Variants in SBF2 observed in about 807,000 individuals in gnomAD.
The protein encoded by SBF2 is SET binding factor 2, also known as myotubularin-related protein 13.
A neutral mutation model predicts 225.2 loss-of-function variants in SBF2; 112 were observed. The observed-to-expected ratio is 0.50, with a 90% CI of 0.43 to 0.58. The LOEUF (loss-of-function observed/expected upper bound fraction) is 0.58. SBF2 is among the 20% of genes least tolerant of loss of function. The probability of loss-of-function intolerance (pLI) is 0.00; values close to 1 mark genes in which losing one functional copy is unlikely to be tolerated. For missense variants in SBF2, 1,996 were observed against 2,206.2 expected, an observed-to-expected ratio of 0.90 and a Z score of 1.91; for synonymous variants, 763 against 773.3, an observed-to-expected ratio of 0.99 and a Z score of 0.22.
At chr11:10,087,212 T>G (rs1951602630) in intron 2 of SBF2, among the ~76,000 whole-genome samples, 2 of 152,190 alleles carry the variant, frequency 1.3e-5, no homozygotes, top group Non-Finnish European at 2.9e-5. Context: ...CTAATTTTGA[T>G]GTGTATTTTT....
chr11:9,893,116 A>G (rs1434780120), intron 17 of SBF2, among the ~76,000 whole-genome samples: 8 of 152,236 alleles, frequency 5.3e-5, no homozygotes, highest in Non-Finnish European at 1.2e-4. Flanking sequence ...AAACAAGACA[A>G]GCAGCTGAGT....
At chr11:10,019,986 A>C (rs1948787479) in intron 6 of SBF2, among the ~76,000 whole-genome samples, 1 of 152,154 alleles carries the variant, frequency 6.6e-6, no homozygotes, top group African/African-American at 2.4e-5. Flanking sequence ...TTATTGTTAT[A>C]GTAGATATTC....
chr11:10,208,538 G>C (rs1957822533), intron 1 of SBF2, among the ~76,000 whole-genome samples: 1 of 152,138 alleles, frequency 6.6e-6, no homozygotes, highest in Admixed American at 6.5e-5. Flanking sequence ...AGCAAAGGAG[G>C]GGGTGAAGGA....
chr11:9,837,696 C>T (rs937051127), intron 26 of SBF2, among the ~76,000 whole-genome samples: 16 of 152,068 alleles, frequency 1.1e-4, no homozygotes, highest in Non-Finnish European at 1.5e-4. Context: ...TTACTTTCTA[C>T]CTTTTTATAT....
chr11:9,939,496 T>C (rs2134287869), intron 16 of SBF2, among the ~76,000 whole-genome samples: 1 of 152,328 alleles, frequency 6.6e-6, no homozygotes, highest in South Asian at 2.1e-4. Context: ...CCTGCATCCA[T>C]TCACTCAACA....
intron 17 of SBF2, among the ~76,000 whole-genome samples, chr11:9,864,974 A>G (rs1858070765): frequency 6.6e-6 from 1 of 151,434 alleles, no homozygotes; most frequent in African/African-American, 2.4e-5. Flanking sequence ...CAGTTGGCAC[A>G]ATCTTGGTTC....
chr11:10,241,466 C>A (rs564329797), intron 1 of SBF2, among the ~76,000 whole-genome samples: 1 of 151,888 alleles, frequency 6.6e-6, no homozygotes, highest in African/African-American at 2.4e-5. Flanking sequence ...AAGATGAGAA[C>A]AGAATTTTTA....
chr11:9,821,857 T>C lies in SBF2; in HGVS notation c.3794-4833A>G, dbSNP rs1363734895. On this transcript the variant is annotated intron_variant, in intron 28 of 39. Coordinates refer to ENST00000256190, the MANE Select transcript of SBF2 (RefSeq NM_030962.4). Reference sequence around the variant, plus strand: ...ATGAATGGGTATATATACATATAAATATAAAATACATTTCTTACTGCGAGT... The same window carrying C: ...ATGAATGGGTATATATACATATAAACATAAAATACATTTCTTACTGCGAGT... Among the ~76,000 whole-genome samples, 4 of 152,222 alleles carry C rather than the reference T, an allele frequency of 2.6e-5. No individual in the cohort carries two copies. In the East Asian group the frequency reaches 7.7e-4, roughly 29 times the overall value.
At chr11:10,102,511 G>C (rs1176311131) in intron 2 of SBF2, among the ~76,000 whole-genome samples, 1 of 152,226 alleles carries the variant, frequency 6.6e-6, no homozygotes, top group Non-Finnish European at 1.5e-5. Flanking sequence ...AGAAGGCATG[G>C]GGATATGGTT....
intron 1 of SBF2, among the ~76,000 whole-genome samples, chr11:10,269,321 G>A (rs1962273453): frequency 6.6e-6 from 1 of 152,174 alleles, no homozygotes; most frequent in Non-Finnish European, 1.5e-5. Flanking sequence ...AGTCATCCTA[G>A]TGGGAAAAGA....
chr11:10,128,659 C>A (rs1953878239), intron 2 of SBF2, among the ~76,000 whole-genome samples: 1 of 152,136 alleles, frequency 6.6e-6, no homozygotes, highest in Non-Finnish European at 1.5e-5. Context: ...AACTACAGTA[C>A]TAAACCTCAA....
At chr11:10,090,338 T>TTA (rs1027664470) in intron 2 of SBF2, among the ~76,000 whole-genome samples, 133 of 152,184 alleles carry the variant, frequency 8.7e-4, no homozygotes, top group African/African-American at 3.1e-3. Flanking sequence ...ATATTTTATG[T>TTA]TATATATATT....
chr11:10,119,004 A>C (rs544429290), intron 2 of SBF2, among the ~76,000 whole-genome samples: 1 of 152,150 alleles, frequency 6.6e-6, no homozygotes, highest in South Asian at 2.1e-4. Flanking sequence ...TACTAAAAAA[A>C]GAACAATCTG....
chr11:9,807,975 G>C (rs1218790857), intron 32 of SBF2, 25 bp downstream of exon 32: 24 of 1,608,102 alleles, frequency 1.5e-5, no homozygotes, highest in Middle Eastern at 1.7e-4. Context: ...TTCATATCAA[G>C]TCAACTCAAG....
intron 17 of SBF2, among the ~76,000 whole-genome samples, chr11:9,864,102 T>C (rs1261466282): frequency 6.6e-6 from 1 of 152,208 alleles, no homozygotes; most frequent in Non-Finnish European, 1.5e-5. Flanking sequence ...AATGAGTATT[T>C]AGGATATTAT....
intron 30 of SBF2, chr11:9,810,489 A>G (rs1004753074): frequency 6.6e-6 from 1 of 152,224 alleles, no homozygotes; most frequent in Non-Finnish European, 1.5e-5. Flanking sequence ...ATCAGACATA[A>G]TTTGCAATTT....
At chr11:9,823,400 A>C (rs1854884045) in intron 28 of SBF2, among the ~76,000 whole-genome samples, 1 of 152,144 alleles carries the variant, frequency 6.6e-6, no homozygotes, top group Non-Finnish European at 1.5e-5. Context: ...ATAACATAAG[A>C]AAACTTGGAA....
chr11:9,805,770 G>A (rs1434225714), intron 32 of SBF2, among the ~76,000 whole-genome samples: 3 of 152,104 alleles, frequency 2.0e-5, no homozygotes, highest in Non-Finnish European at 4.4e-5. Flanking sequence ...CTACAGGCGT[G>A]CGCCCCCACG....
intron 2 of SBF2, among the ~76,000 whole-genome samples, chr11:10,156,172 A>T (rs954956957): frequency 2.0e-5 from 3 of 152,196 alleles, no homozygotes; most frequent in Non-Finnish European, 4.4e-5. Flanking sequence ...GATTTCAGAG[A>T]AAAGCTGTGG....
Sources: gnomAD v4.1 joint callset for allele counts (sites outside exome capture counted in the v4.1 genomes callset) on GRCh38, gnomAD v4.1.1 for gene constraint, MANE v1.5 for transcripts, NCBI Gene and HGNC (gene_info 2026-07-23, HGNC 2026-07-21) for gene names.